Variants in IFT43 observed in about 807,000 individuals in gnomAD.
The protein encoded by IFT43 is intraflagellar transport 43, also known as intraflagellar transport protein 43 homolog.
IFT43 carries 33 observed loss-of-function variants against 32.3 expected under a neutral mutation model. The ratio of observed to expected loss-of-function variants is 1.02; its 90% CI spans 0.77 to 1.37. IFT43 has a LOEUF of 1.37. Among genes scored for constraint, IFT43 ranks in the 40% most tolerant of loss-of-function variants. The pLI, the probability that IFT43 is intolerant of heterozygous loss-of-function variation, is 0.00. For synonymous variants in IFT43, 93 were observed against 98.2 expected (o/e 0.95, Z 0.31); for missense variants, 274 against 265.9 (o/e 1.03, Z -0.21).
chr14:76,012,620 C>T (rs1280649592), intron 2 of IFT43, among the ~76,000 whole-genome samples: 3 of 152,222 alleles, frequency 2.0e-5, no homozygotes, highest in African/African-American at 2.4e-5. Context: ...GTCCATCAGG[C>T]GGCAGCCCCA....
intron 3 of IFT43, among the ~76,000 whole-genome samples, chr14:76,035,742 G>A (rs1211017453): frequency 6.6e-6 from 1 of 152,222 alleles, no homozygotes; most frequent in African/African-American, 2.4e-5. Context: ...CAGAGGGAAG[G>A]TTAGCTGGAG....
chr14:76,015,388 G>C lies in IFT43; in HGVS notation c.148-6939G>C, dbSNP rs1244474922. On this transcript the variant is annotated intron_variant, in intron 2 of 8. Coordinates refer to ENST00000314067, the MANE Select transcript of IFT43 (RefSeq NM_001102564.3). Reference sequence around the variant, plus strand: ...GCTTCAGTGCTCTCTCCTGAGGTTCGCCAGTGGGAAGCAAGCTAACTACCA... The same window carrying C: ...GCTTCAGTGCTCTCTCCTGAGGTTCCCCAGTGGGAAGCAAGCTAACTACCA... Among the ~76,000 whole-genome samples, 4 of 152,136 alleles carry C rather than the reference G, an allele frequency of 2.6e-5. No individual in the cohort carries two copies. In the East Asian group the frequency reaches 7.7e-4, roughly 29 times the overall value.
chr14:75,986,269 T>C, intron 1 of IFT43: 1 of 1,276,028 alleles, frequency 7.8e-7, no homozygotes. Context: ...CACTGTTTTA[T>C]GCATGGAAGG....
At chr14:76,017,540 G>A (rs1373386896) in intron 2 of IFT43, among the ~76,000 whole-genome samples, 2 of 152,118 alleles carry the variant, frequency 1.3e-5, no homozygotes, top group Admixed American at 6.5e-5. Context: ...TCCTTATCTG[G>A]TTTTGGTGTC....
At chr14:76,038,726 A>G (rs1450395287) in intron 3 of IFT43, among the ~76,000 whole-genome samples, 2 of 152,238 alleles carry the variant, frequency 1.3e-5, no homozygotes, top group Non-Finnish European at 2.9e-5. Flanking sequence ...AATTATCCCC[A>G]TTGAAGTAGG....
intron 3 of IFT43, among the ~76,000 whole-genome samples, chr14:76,048,037 TAGAA>T (rs1160815344): frequency 6.6e-6 from 1 of 152,096 alleles, no homozygotes. Flanking sequence ...ATCTTAGAGT[TAGAA>T]AGGCCCTTAA....
chr14:75,997,511 C>T (rs552182172), intron 2 of IFT43, among the ~76,000 whole-genome samples: 62 of 152,318 alleles, frequency 4.1e-4, no homozygotes, highest in African/African-American at 1.2e-3. Context: ...GAAAAATCTC[C>T]GAGGTATGCT....
At chr14:76,005,749 T>G (rs1196339672) in intron 2 of IFT43, among the ~76,000 whole-genome samples, 1 of 152,222 alleles carries the variant, frequency 6.6e-6, no homozygotes, top group Non-Finnish European at 1.5e-5. Flanking sequence ...AGATAATCTA[T>G]TTGAGCATGG....
chr14:75,988,741 A>ATCTCCTGACCTT, intron 1 of IFT43, 144 bp from the exon 2 acceptor site: 1 of 1,144,152 alleles, frequency 8.7e-7, no homozygotes, highest in Non-Finnish European at 1.3e-6. Flanking sequence ...GATGGTCTGG[A>ATCTCCTGACCTT]TCTCCTGACC....
At chr14:76,059,433 G>T in intron 5 of IFT43, 60 bp downstream of exon 5, 4 of 1,520,918 alleles carry the variant, frequency 2.6e-6, no homozygotes, top group Non-Finnish European at 3.7e-6. Context: ...ACATTTCCTG[G>T]GCTACAGCTA....
chr14:76,044,915 CT>C (rs2036776323), intron 3 of IFT43, among the ~76,000 whole-genome samples: 1 of 152,136 alleles, frequency 6.6e-6, no homozygotes, highest in African/African-American at 2.4e-5. Context: ...CTTCTTTCTG[CT>C]TTTCCTCTAG....
chr14:75,991,047 A>G (rs186341027), intron 2 of IFT43, among the ~76,000 whole-genome samples: 50 of 152,308 alleles, frequency 3.3e-4, no homozygotes, highest in Non-Finnish European at 6.2e-4. Context: ...AAGTCTACTT[A>G]AGGCTAGGCA....
intron 5 of IFT43, among the ~76,000 whole-genome samples, chr14:76,069,044 C>A (rs2037274168): frequency 6.6e-6 from 1 of 152,062 alleles, no homozygotes; most frequent in Non-Finnish European, 1.5e-5. Flanking sequence ...TGAGACTGGG[C>A]AATGTATAAA....
chr14:76,067,305 C>T (rs983586973), intron 5 of IFT43, among the ~76,000 whole-genome samples: 1 of 152,112 alleles, frequency 6.6e-6, no homozygotes, highest in Admixed American at 6.5e-5. Flanking sequence ...GTGGCTCACG[C>T]CTGTAATCTC....
chr14:76,001,300 G>C (rs995176408), intron 2 of IFT43, among the ~76,000 whole-genome samples: 1 of 152,208 alleles, frequency 6.6e-6, no homozygotes, highest in African/African-American at 2.4e-5. Flanking sequence ...TGGAAAAAAA[G>C]TCATAGCTGA....
At chr14:75,985,919 G>A in intron 1 of IFT43, 79 bp downstream of exon 1, 4 of 1,577,348 alleles carry the variant, frequency 2.5e-6, no homozygotes, top group Non-Finnish European at 3.4e-6. Context: ...CGACTTCTCT[G>A]AGGCGACTCA....
intron 2 of IFT43, among the ~76,000 whole-genome samples, chr14:76,008,480 A>T (rs536360989): frequency 6.6e-6 from 1 of 152,192 alleles, no homozygotes; most frequent in Non-Finnish European, 1.5e-5. Flanking sequence ...CAAGGGACTC[A>T]TGATCATTCT....
chr14:76,059,048 T>G, intron 4 of IFT43: 1 of 1,424,204 alleles, frequency 7.0e-7, no homozygotes. Context: ...AAAGGTGCTG[T>G]GAAGGTAGGG....
At chr14:76,064,572 T>C (rs926128764) in intron 5 of IFT43, among the ~76,000 whole-genome samples, 3 of 152,178 alleles carry the variant, frequency 2.0e-5, no homozygotes, top group Admixed American at 2.0e-4. Flanking sequence ...TAATGGAGGC[T>C]GGTTAGTTGT....
Sources: allele counts gnomAD v4.1 joint callset (sites outside exome capture counted in the v4.1 genomes callset), GRCh38; gene constraint gnomAD v4.1.1; transcripts MANE v1.5; gene names NCBI Gene and HGNC (gene_info 2026-07-23, HGNC 2026-07-21).